The following CLSTN2 variants were observed in gnomAD, a reference collection of about 807,000 sequenced individuals.
CLSTN2 encodes the protein calsyntenin-2.
A neutral mutation model predicts 101.2 loss-of-function variants in CLSTN2; 48 were observed. The observed-to-expected ratio is 0.47, with a 90% CI of 0.38 to 0.60. The LOEUF is 0.60. CLSTN2 is among the 20% of genes least tolerant of loss of function. The pLI, the probability that CLSTN2 is intolerant of heterozygous loss-of-function variation, is 0.00. For synonymous variants in CLSTN2, 481 were observed against 463.6 expected (o/e 1.04, Z -0.48); for missense variants, 1,160 against 1,238.2 (o/e 0.94, Z 0.95).
chr3:140,175,998 A>G lies in CLSTN2; in HGVS notation c.157A>G (p.Thr53Ala), dbSNP rs373766978. 6.2e-7 allele frequency: 1 copy of G among 1,613,818 alleles called. No individual in the cohort carries two copies. Among genetic ancestry groups the G allele is most frequent in the Non-Finnish European group, 8.5e-7 (1 of 1,179,772 alleles). ...CGAGACTTCATATCATGGAGTCATAACTGAGAACAATGACACAGTCATTTT... is the reference window on the plus strand; with the variant it reads ...CGAGACTTCATATCATGGAGTCATAGCTGAGAACAATGACACAGTCATTTT... ...WIETSYHGVI[T>A]ENNDTVILDP... The change falls in exon 2 of 17, where the codon ACT (threonine) becomes GCT (alanine). Residue 53 changes from threonine (T) to alanine (A), a missense_variant. Coordinates refer to ENST00000458420, the MANE Select transcript of CLSTN2 (RefSeq NM_022131.3).
At chr3:140,136,496 A>G (rs6769743) in intron 1 of CLSTN2, among the ~76,000 whole-genome samples, 4,557 of 152,256 alleles carry the variant, frequency 0.03, 246 homozygotes, top group African/African-American at 0.1. Flanking sequence ...TTTTGTTGCT[A>G]CTATTTTTAT....
chr3:140,440,476 A>G (rs1228834099), intron 5 of CLSTN2, among the ~76,000 whole-genome samples: 1 of 152,150 alleles, frequency 6.6e-6, no homozygotes, highest in Non-Finnish European at 1.5e-5. Flanking sequence ...CCTGTGTGTA[A>G]TTGTTTTTAA....
At chr3:140,284,135 A>G (rs1261482076) in intron 2 of CLSTN2, among the ~76,000 whole-genome samples, 1 of 152,236 alleles carries the variant, frequency 6.6e-6, no homozygotes, top group Non-Finnish European at 1.5e-5. Flanking sequence ...CAAGATACTC[A>G]CTGTTGAAAT....
chr3:140,018,666 G>C (rs1314039055), intron 1 of CLSTN2, among the ~76,000 whole-genome samples: 2 of 152,228 alleles, frequency 1.3e-5, no homozygotes, highest in Non-Finnish European at 2.9e-5. Context: ...GTGACCTCCA[G>C]TGGGTCATTT....
At chr3:140,393,324 G>A (rs773956074) in intron 2 of CLSTN2, among the ~76,000 whole-genome samples, 2 of 152,188 alleles carry the variant, frequency 1.3e-5, no homozygotes, top group Admixed American at 1.3e-4. Context: ...CCAATTCTAT[G>A]TGAATATTAA....
chr3:140,007,737 G>T (rs189682066), intron 1 of CLSTN2, among the ~76,000 whole-genome samples: 75 of 152,242 alleles, frequency 4.9e-4, no homozygotes, highest in African/African-American at 1.8e-3. Flanking sequence ...AGCTAAGTAC[G>T]CTCCTTGTGT....
chr3:139,951,124 G>T (rs1270276684), intron 1 of CLSTN2, among the ~76,000 whole-genome samples: 3 of 152,180 alleles, frequency 2.0e-5, no homozygotes, highest in Non-Finnish European at 4.4e-5. Context: ...ACAGGGAAGA[G>T]AACTGTGGGG....
intron 1 of CLSTN2, among the ~76,000 whole-genome samples, chr3:140,160,052 C>T (rs2010021050): frequency 6.6e-6 from 1 of 151,976 alleles, no homozygotes; most frequent in Non-Finnish European, 1.5e-5. Context: ...AAAAAAACTT[C>T]CTAGAGTACT....
At chr3:139,960,542 C>T (rs1322508094) in intron 1 of CLSTN2, among the ~76,000 whole-genome samples, 3 of 152,236 alleles carry the variant, frequency 2.0e-5, no homozygotes, top group African/African-American at 2.4e-5. Flanking sequence ...CCTCCAAGGC[C>T]TAGCACTGGG....
chr3:140,076,995 C>G (rs2008503802), intron 1 of CLSTN2, among the ~76,000 whole-genome samples: 1 of 152,180 alleles, frequency 6.6e-6, no homozygotes, highest in Admixed American at 6.5e-5. Context: ...GTCTTCTCTA[C>G]TATGGCTCCC....
At chr3:140,114,390 T>C (rs921679566) in intron 1 of CLSTN2, among the ~76,000 whole-genome samples, 3 of 152,160 alleles carry the variant, frequency 2.0e-5, no homozygotes, top group Non-Finnish European at 4.4e-5. Flanking sequence ...GGCATCACCC[T>C]TATCACCTGG....
chr3:140,014,908 C>T (rs1269406290), intron 1 of CLSTN2, among the ~76,000 whole-genome samples: 1 of 152,186 alleles, frequency 6.6e-6, no homozygotes, highest in Non-Finnish European at 1.5e-5. Context: ...GAAATGAGAT[C>T]TTTGGCTCCT....
chr3:140,458,904 A>G (rs917113326), intron 6 of CLSTN2, among the ~76,000 whole-genome samples: 35 of 152,228 alleles, frequency 2.3e-4, no homozygotes, highest in African/African-American at 8.0e-4. Context: ...ATTTCTGCTG[A>G]CTTCAAAACC....
intron 2 of CLSTN2, among the ~76,000 whole-genome samples, chr3:140,211,159 C>T (rs867828103): frequency 7.2e-5 from 11 of 152,104 alleles, no homozygotes; most frequent in African/African-American, 2.4e-4. Flanking sequence ...GAGACCTGTG[C>T]TCCCATCTCT....
intron 2 of CLSTN2, among the ~76,000 whole-genome samples, chr3:140,199,348 A>G (rs2010689453): frequency 6.6e-6 from 1 of 152,198 alleles, no homozygotes; most frequent in Admixed American, 6.5e-5. Flanking sequence ...TTTCCTGACC[A>G]TCAGAATCAC....
At chr3:140,451,831 A>G (rs1374685273) in intron 6 of CLSTN2, among the ~76,000 whole-genome samples, 1 of 152,196 alleles carries the variant, frequency 6.6e-6, no homozygotes, top group Admixed American at 6.5e-5. Flanking sequence ...GGGAGCTGCC[A>G]TGACCATTTA....
At chr3:140,419,614 CGTGT>C (rs2088473746) in intron 4 of CLSTN2, among the ~76,000 whole-genome samples, 2 of 45,098 alleles carry the variant, frequency 4.4e-5, no homozygotes, top group Admixed American at 4.2e-4. Flanking sequence ...TACATATATA[CGTGT>C]ACGTATATAT....
At position 140,562,216 on chromosome 3, in the gene CLSTN2, A is replaced by G; in HGVS notation, c.2120A>G (p.Asp707Gly). 1 of 1,614,024 alleles carries G rather than the reference A, an allele frequency of 6.2e-7. No individual in the cohort carries two copies. Among genetic ancestry groups the G allele is most frequent in the Non-Finnish European group, 8.5e-7 (1 of 1,179,918 alleles). Residue 707 changes from aspartate to glycine, a missense_variant, in exon 13 of 17, where the codon GAC becomes GGC. Asp to Gly is a moderately conservative substitution (Grantham distance 94). Transcript: ENST00000458420. ...CDILVIGGDL[D>G]PRQECLELNH... ...ATTTTGGTGATCGGAGGGGACTTGGACCCAAGGCAGGAGTGCTTGGAGCTC... is the reference window on the plus strand; with the variant it reads ...ATTTTGGTGATCGGAGGGGACTTGGGCCCAAGGCAGGAGTGCTTGGAGCTC...
intron 1 of CLSTN2, among the ~76,000 whole-genome samples, chr3:140,088,841 A>G (rs968030463): frequency 1.3e-5 from 2 of 152,264 alleles, no homozygotes; most frequent in Non-Finnish European, 2.9e-5. Flanking sequence ...ATTTCATAGT[A>G]TCTGTCACAT....
Sources: allele counts gnomAD v4.1 joint callset (sites outside exome capture counted in the v4.1 genomes callset), GRCh38; gene constraint gnomAD v4.1.1; transcripts MANE v1.5; gene names NCBI Gene and HGNC (gene_info 2026-07-23, HGNC 2026-07-21).